Variants in RNF157 observed in about 807,000 individuals in gnomAD.
The protein encoded by RNF157 is ring finger protein 157, also known as E3 ubiquitin ligase RNF157.
A neutral mutation model predicts 88.3 loss-of-function variants in RNF157; 55 were observed. The ratio of observed to expected loss-of-function variants is 0.62; its 90% confidence interval spans 0.50 to 0.78. The LOEUF is 0.78. Ranked by LOEUF, RNF157 falls within the 30% of genes least tolerant of loss-of-function variation. RNF157 has a pLI of 0.00. For synonymous variants in RNF157, 334 were observed against 341.2 expected (o/e 0.98, Z 0.23); for missense variants, 788 against 860.8 (o/e 0.92, Z 1.06).
intron 1 of RNF157, among the ~76,000 whole-genome samples, chr17:76,239,756 C>T (rs891367108): frequency 2.0e-4 from 30 of 152,138 alleles, no homozygotes; most frequent in Admixed American, 1.8e-3. Context: ...TCGGACCCCG[C>T]GAGGCAGGTA....
intron 3 of RNF157, among the ~76,000 whole-genome samples, chr17:76,173,194 G>A (rs1050586808): frequency 6.6e-5 from 10 of 151,940 alleles, no homozygotes; most frequent in African/African-American, 2.4e-4. Flanking sequence ...GCTGAGGCAG[G>A]AGAATGGCGT....
chr17:76,240,054 G>T lies in RNF157; in HGVS notation c.88+99C>A. 1.8e-6 allele frequency: 1 copy of T among 550,624 alleles called. No individual in the cohort carries two copies. The highest frequency in any genetic ancestry group is 2.6e-6 in the Non-Finnish European group (1 of 386,808). 34.1% of individuals were successfully genotyped at this position (550,624 alleles called of 1,614,324 possible). On this transcript the variant is annotated intron_variant, in intron 1 of 18. Transcript: ENST00000269391. This position sits in a 1 kb window ranked among gnomAD's most constrained non-coding sequence, Gnocchi z 4.4. ...GTTTCGGAGCGTCCGCAACCACTGAGTCCCCGAAGACCCGCGGGGCCCCCT... is the reference window on the plus strand; with the variant it reads ...GTTTCGGAGCGTCCGCAACCACTGATTCCCCGAAGACCCGCGGGGCCCCCT...
intron 18 of RNF157, chr17:76,147,284 T>A (rs1225134670): frequency 2.0e-6 from 2 of 984,974 alleles, no homozygotes; most frequent in Non-Finnish European, 2.4e-6. Flanking sequence ...CCTCAATGTT[T>A]ATGGGGCAGG....
intron 2 of RNF157, among the ~76,000 whole-genome samples, chr17:76,178,508 TG>T (rs2069139913): frequency 6.6e-6 from 1 of 152,212 alleles, no homozygotes; most frequent in South Asian, 2.1e-4. Context: ...GGATATAGGC[TG>T]GTAGTGTGAG....
chr17:76,156,196 C>G lies in RNF157; in HGVS notation c.1525+14G>C, dbSNP rs147567353. 6.2e-7 allele frequency: 1 copy of G among 1,601,728 alleles called. No homozygotes were observed. Among genetic ancestry groups the G allele is most frequent in the African/African-American group, 1.3e-5 (1 of 74,660 alleles). On this transcript the variant is annotated intron_variant, in intron 14 of 18. Transcript: ENST00000269391. ...GGGGGAAGGACATGCAGCCACTCCC[C>G]GCTCCTTATGTACCTTCTGGGGAGG... is the stretch of plus-strand genomic sequence containing the variant.
chr17:76,153,993 T>C (rs898916011), intron 17 of RNF157: 5 of 367,606 alleles, frequency 1.4e-5, no homozygotes, highest in African/African-American at 1.1e-4. Context: ...TGGGAGCTGC[T>C]TAGAGAGCTT....
At chr17:76,165,927 C>T (rs960668435) in intron 6 of RNF157, among the ~76,000 whole-genome samples, 4 of 152,134 alleles carry the variant, frequency 2.6e-5, no homozygotes, top group Non-Finnish European at 4.4e-5. Flanking sequence ...ATCTGCCCGC[C>T]TCAGCCTCCC....
At chr17:76,223,226 C>T (rs1244661363) in intron 1 of RNF157, among the ~76,000 whole-genome samples, 1 of 139,642 alleles carries the variant, frequency 7.2e-6, no homozygotes, top group Middle Eastern at 4.9e-3. Context: ...CTCACTCTGT[C>T]ACCCAGGCTG....
At position 76,146,702 on chromosome 17, in the gene RNF157, T is replaced by C; in HGVS notation, c.1922-1349A>G. Reference sequence around the variant, plus strand: ...TCACATGGCAGAAACCGCTAGGTCCTGGAGCTCCTCCATGGGACAAAGCTC... The same window carrying C: ...TCACATGGCAGAAACCGCTAGGTCCCGGAGCTCCTCCATGGGACAAAGCTC... On this transcript the variant is annotated intron_variant, in intron 18 of 18. Transcript: ENST00000269391. The surrounding 1 kb of genome is among the most constrained non-coding windows in gnomAD (Gnocchi z 4.2). The C allele has an allele frequency of 5.1e-6, 5 of 985,488 alleles. No individual in the cohort carries two copies. Among genetic ancestry groups the C allele is most frequent in the Non-Finnish European group, 6.0e-6 (5 of 829,940 alleles). The allele number at this position is 985,488 out of a possible 1,614,324, so 61.0% of individuals were successfully genotyped here.
At chr17:76,224,360 C>T (rs2070040599) in intron 1 of RNF157, among the ~76,000 whole-genome samples, 1 of 150,058 alleles carries the variant, frequency 6.7e-6, no homozygotes, top group African/African-American at 2.4e-5. Flanking sequence ...ATTATAACAA[C>T]ATATAATAAA....
At position 76,158,407 on chromosome 17, in the gene RNF157, G is replaced by A; in HGVS notation, c.1399C>T (p.Gln467Ter). ...ATGTCAATTACCTCTCCGAGATGCT[G>A]AACCGACGGTCTCTGAGAGAGCTGT... ...ETQLSQRPSV[Q>*]HLGEECGVTP... is the part of the protein sequence containing the mutation. The change falls in exon 13 of 19, where the codon CAG becomes TAG. Residue 467 changes from glutamine (Q) to a stop codon, truncating the protein, a stop_gained. Transcript: ENST00000269391. LOFTEE classifies it high-confidence loss of function. The A allele has an allele frequency of 6.2e-7, 1 of 1,611,890 alleles. No individual in the cohort carries two copies.
At chr17:76,209,951 G>A (rs1475626783) in intron 2 of RNF157, among the ~76,000 whole-genome samples, 4 of 151,910 alleles carry the variant, frequency 2.6e-5, no homozygotes, top group Non-Finnish European at 5.9e-5. Flanking sequence ...GTAGAGATGG[G>A]GTTTCACCAC....
chr17:76,172,400 T>G (rs1244696257), intron 3 of RNF157, among the ~76,000 whole-genome samples: 1 of 151,960 alleles, frequency 6.6e-6, no homozygotes, highest in Non-Finnish European at 1.5e-5. Flanking sequence ...AAGACCAGCC[T>G]GACCAACATG....
Position 76,226,641 on chromosome 17 carries a change from CCTTAGCCTTGT to C in RNF157, c.88+13501_88+13511del, listed in dbSNP as rs1409181474. On this transcript the variant is annotated intron_variant, in intron 1 of 18. Coordinates refer to ENST00000269391, the MANE Select transcript of RNF157 (RefSeq NM_052916.3). ...ACAGTCAGCCATTCGGAGGAGCCCGCCTTAGCCTTGTCGCTGGAGAACCCATGAGGTTTGAA... is the reference window on the plus strand; with the variant it reads ...ACAGTCAGCCATTCGGAGGAGCCCGCCGCTGGAGAACCCATGAGGTTTGAA... The C allele has an allele frequency of 2.5e-6, 4 of 1,612,730 alleles. No homozygotes were observed. In the African/African-American group the frequency reaches 5.3e-5, roughly 22 times the overall value.
In RNF157 at chr17:76,186,935, G is replaced by T. The variant is rs555503428; in HGVS notation, c.208-13145C>A. Among the ~76,000 whole-genome samples the T allele has an allele frequency of 3.8e-5, 5 of 132,488 alleles. No homozygotes were observed. In the South Asian group the frequency reaches 1.2e-3, roughly 31 times the overall value. The allele number at this position is 132,488 out of a possible 152,430, so 86.9% of individuals were successfully genotyped here. ...AGCCTGGGTGACAGAATGAGACTCC[G>T]ACTCAAAATAAATAAATAAATAAAT... is the stretch of plus-strand genomic sequence containing the variant. On this transcript the variant is annotated intron_variant, in intron 2 of 18. Transcript: ENST00000269391.
intron 2 of RNF157, among the ~76,000 whole-genome samples, chr17:76,187,205 A>G (rs2069306747): frequency 6.6e-6 from 1 of 151,134 alleles, no homozygotes; most frequent in Non-Finnish European, 1.5e-5. Flanking sequence ...TTTTCTTAAG[A>G]TGGAGTCTCG....
Position 76,165,485 on chromosome 17 carries a change from C to T in RNF157, c.672+17G>A, listed in dbSNP as rs1436872134. 6.2e-7 allele frequency: 1 copy of T among 1,613,774 alleles called. No homozygotes were observed. Among genetic ancestry groups the T allele is most frequent in the Non-Finnish European group, 8.5e-7 (1 of 1,179,716 alleles). ...AGGGCTAAAGGCAATAAAGCGAGGC[C>T]CTCTAAAGTCACTCACCTTCTCAAA... On this transcript the variant is annotated intron_variant, in intron 7 of 18. Coordinates refer to ENST00000269391, the MANE Select transcript of RNF157 (RefSeq NM_052916.3).
intron 2 of RNF157, among the ~76,000 whole-genome samples, chr17:76,175,120 T>C (rs909196624): frequency 3.9e-5 from 6 of 152,218 alleles, no homozygotes; most frequent in African/African-American, 1.4e-4. Flanking sequence ...CTATGTGCTG[T>C]TTCACACTGA....
intron 1 of RNF157, chr17:76,226,554 T>A: frequency 1.2e-6 from 2 of 1,613,558 alleles, no homozygotes; most frequent in Non-Finnish European, 1.7e-6. Flanking sequence ...TTCTCCAACA[T>A]CCAATGTGTC....
Sources: gnomAD v4.1 joint callset for allele counts (sites outside exome capture counted in the v4.1 genomes callset) on GRCh38, gnomAD v4.1.1 for gene constraint, Gnocchi (gnomAD v3.1) non-coding constraint, MANE v1.5 for transcripts, NCBI Gene and HGNC (gene_info 2026-07-23, HGNC 2026-07-21) for gene names.